The following GRIK4 variants were observed in gnomAD, a reference collection of about 807,000 sequenced individuals.
GRIK4 encodes glutamate receptor ionotropic, kainate 4.
A neutral mutation model predicts 104.9 loss-of-function variants in GRIK4; 40 were observed. That is an observed-to-expected ratio of 0.38 (90% CI 0.30 to 0.50). GRIK4 has a LOEUF of 0.50. GRIK4 is among the 20% of genes least tolerant of loss of function. The pLI, the probability that GRIK4 is intolerant of heterozygous loss-of-function variation, is 0.93. For synonymous variants in GRIK4, 485 were observed against 524.9 expected (o/e 0.92, Z 1.04); for missense variants, 1,047 against 1,308.1 (o/e 0.80, Z 3.08).
At chr11:120,915,956 T>C (rs1384930006) in intron 13 of GRIK4, among the ~76,000 whole-genome samples, 3 of 152,156 alleles carry the variant, frequency 2.0e-5, no homozygotes, top group African/African-American at 4.8e-5. Context: ...TGGGCTCTTC[T>C]CACTGCACCA....
intron 3 of GRIK4, among the ~76,000 whole-genome samples, chr11:120,776,990 G>A (rs1011048697): frequency 6.6e-6 from 1 of 152,130 alleles, no homozygotes; most frequent in Admixed American, 6.6e-5. Context: ...CTACGAGGGG[G>A]GTGTGAGTAC....
intron 3 of GRIK4, among the ~76,000 whole-genome samples, chr11:120,774,327 TG>T (rs1952000019): frequency 6.6e-6 from 1 of 151,894 alleles, no homozygotes; most frequent in South Asian, 2.1e-4. Flanking sequence ...ACCAGCTCTG[TG>T]TGTGTGTGTA....
intron 13 of GRIK4, chr11:120,936,251 G>C: frequency 2.1e-6 from 1 of 484,410 alleles, no homozygotes; most frequent in South Asian, 1.6e-5. Context: ...GTCATCTGCC[G>C]CCGTGTTAGT....
chr11:120,601,542 TGTGGGGGGGC>T (rs1005257111), intron 1 of GRIK4, among the ~76,000 whole-genome samples: 4 of 150,982 alleles, frequency 2.6e-5, no homozygotes, highest in Non-Finnish European at 5.9e-5. Flanking sequence ...TAAGGCGGGG[TGTGGGGGGGC>T]GCAAAATTGA....
chr11:120,633,130 A>G (rs1031101452), intron 1 of GRIK4, among the ~76,000 whole-genome samples: 24 of 152,300 alleles, frequency 1.6e-4, no homozygotes, highest in African/African-American at 5.5e-4. Context: ...GCAGAAGAGT[A>G]GAGTCAACCA....
intron 13 of GRIK4, among the ~76,000 whole-genome samples, chr11:120,932,676 C>A (rs1433497805): frequency 1.3e-5 from 2 of 152,206 alleles, no homozygotes; most frequent in African/African-American, 4.8e-5. Context: ...CTCATCCCAA[C>A]TGTAGCCTCC....
At chr11:120,948,799 T>G (rs749195176) in intron 14 of GRIK4, among the ~76,000 whole-genome samples, 21 of 152,192 alleles carry the variant, frequency 1.4e-4, no homozygotes, top group Non-Finnish European at 2.8e-4. Context: ...CGGCTACCAT[T>G]AGACAGAAGG....
intron 3 of GRIK4, among the ~76,000 whole-genome samples, chr11:120,715,147 G>C (rs1954786): frequency 0.98 from 149,521 of 152,302 alleles, 73,398 homozygotes; most frequent in East Asian, 1. Flanking sequence ...CTGCTGGCAC[G>C]GGGGCACTAA....
chr11:120,665,343 T>C (rs1401641647), intron 3 of GRIK4, among the ~76,000 whole-genome samples: 1 of 152,202 alleles, frequency 6.6e-6, no homozygotes, highest in African/African-American at 2.4e-5. Context: ...CATTTCCAAA[T>C]TGAGTCACCC....
At chr11:120,792,396 G>A (rs1021752385) in intron 3 of GRIK4, among the ~76,000 whole-genome samples, 1 of 151,798 alleles carries the variant, frequency 6.6e-6, no homozygotes, top group Admixed American at 6.6e-5. Context: ...TTATTTTGAG[G>A]ATGGAAGCTT....
In GRIK4 at chr11:120,597,368, C is replaced by T. The variant is rs186571576; in HGVS notation, c.-158-56317C>T. 2.8e-3 allele frequency among the ~76,000 whole-genome samples: 423 copies of T among 152,320 alleles called. 5 individuals carry two copies. The highest frequency in any genetic ancestry group is 9.7e-3 in the African/African-American group (402 of 41,572). On this transcript the variant is annotated intron_variant, in intron 1 of 20. Transcript: ENST00000527524. ...GTGAGATCATGTATGCAAAGCACCCCTCTTGGGGCTGCACACGGTGGGAGC... is the reference window on the plus strand; with the variant it reads ...GTGAGATCATGTATGCAAAGCACCCTTCTTGGGGCTGCACACGGTGGGAGC...
At chr11:120,906,428 C>G (rs1329329542) in intron 13 of GRIK4, among the ~76,000 whole-genome samples, 4 of 152,216 alleles carry the variant, frequency 2.6e-5, no homozygotes, top group Non-Finnish European at 5.9e-5. Context: ...ATCTCTAATC[C>G]TCTTTAAACA....
chr11:120,769,171 G>T (rs1951893923), intron 3 of GRIK4, among the ~76,000 whole-genome samples: 1 of 152,016 alleles, frequency 6.6e-6, no homozygotes, highest in Non-Finnish European at 1.5e-5. Context: ...TGGTCCTGGG[G>T]TTTTCTTTAT....
intron 1 of GRIK4, among the ~76,000 whole-genome samples, chr11:120,546,941 G>A (rs1043939970): frequency 1.1e-4 from 16 of 152,232 alleles, no homozygotes; most frequent in South Asian, 4.1e-4. Flanking sequence ...GGGGCTGAGC[G>A]CAGCTTAAGA....
intron 1 of GRIK4, among the ~76,000 whole-genome samples, chr11:120,544,245 C>A (rs528261741): frequency 1.3e-5 from 2 of 152,100 alleles, no homozygotes; most frequent in Non-Finnish European, 2.9e-5. Flanking sequence ...TATACTTGTC[C>A]CCAAACTCAT....
chr11:120,604,531 G>A (rs1461577168), intron 1 of GRIK4, among the ~76,000 whole-genome samples: 1 of 152,242 alleles, frequency 6.6e-6, no homozygotes, highest in Non-Finnish European at 1.5e-5. Flanking sequence ...AGTCAGATAG[G>A]AGAGGGTCAC....
chr11:120,533,801 C>T (rs1257907947), intron 1 of GRIK4, among the ~76,000 whole-genome samples: 1 of 152,156 alleles, frequency 6.6e-6, no homozygotes, highest in African/African-American at 2.4e-5. Context: ...TGCTTGAATC[C>T]AGGAGGCAGA....
rs1245890662 is a variant in GRIK4, at chr11:120,886,921, C to T, written c.1165-11611C>T. Among the ~76,000 whole-genome samples the T allele has an allele frequency of 3.9e-5, 6 of 152,270 alleles. 1 individual carries two copies. The South Asian group carries it at 1.2e-3, about 32-fold the overall frequency. On this transcript the variant is annotated intron_variant, in intron 11 of 20. Transcript: ENST00000527524. ...TGCGGTCAAAAAGAATACTAAAGGG[C>T]TTCTAGACCAGCACTCTAATTGGCT...
At chr11:120,977,487 G>A (rs1218750879) in intron 19 of GRIK4, among the ~76,000 whole-genome samples, 1 of 152,176 alleles carries the variant, frequency 6.6e-6, no homozygotes, top group Non-Finnish European at 1.5e-5. Flanking sequence ...AAATGGAACT[G>A]CTGCGCTCTC....
Sources: allele counts gnomAD v4.1 joint callset (sites outside exome capture counted in the v4.1 genomes callset), GRCh38; gene constraint gnomAD v4.1.1; transcripts MANE v1.5; gene names NCBI Gene and HGNC (gene_info 2026-07-23, HGNC 2026-07-21).